The following VAV1 variants were observed in gnomAD, a reference collection of about 807,000 sequenced individuals.
VAV1 encodes the protein vav guanine nucleotide exchange factor 1.
VAV1 carries 33 observed loss-of-function variants against 128.1 expected under a neutral mutation model. That is an observed-to-expected ratio of 0.26 (90% confidence interval 0.20 to 0.34). VAV1 has a LOEUF of 0.34. Ranked by LOEUF, VAV1 falls within the 10% of genes least tolerant of loss-of-function variation. The pLI, the probability that VAV1 is intolerant of heterozygous loss-of-function variation, is 1.00. For synonymous variants in VAV1, 394 were observed against 409.8 expected (o/e 0.96, Z 0.47); for missense variants, 715 against 1,093.7 (o/e 0.65, Z 4.88).
chr19:6,832,394 C>T (rs1302901737), intron 15 of VAV1, among the ~76,000 whole-genome samples, 194 bp downstream of exon 15: 1 of 152,126 alleles, frequency 6.6e-6, no homozygotes, highest in Non-Finnish European at 1.5e-5. Flanking sequence ...GTGCAAGCTT[C>T]AGTTACCAGC....
intron 24 of VAV1, 100 bp from the exon 25 acceptor site, chr19:6,852,865 G>T (rs1419646580): frequency 2.3e-6 from 2 of 882,288 alleles, no homozygotes; most frequent in Non-Finnish European, 1.8e-6. Context: ...CCAGAAACAG[G>T]GCCTGCTTCA....
At chr19:6,850,309 C>A (rs1337865765) in intron 23 of VAV1, among the ~76,000 whole-genome samples, 1 of 125,406 alleles carries the variant, frequency 8.0e-6, no homozygotes, top group Non-Finnish European at 1.7e-5. Flanking sequence ...TAGTCTATTT[C>A]CACCATGTTG....
intron 1 of VAV1, among the ~76,000 whole-genome samples, chr19:6,809,123 C>A (rs1026985830): frequency 6.6e-6 from 1 of 150,756 alleles, no homozygotes; most frequent in Non-Finnish European, 1.5e-5. Context: ...TCTTGTCGCC[C>A]AAGCTGGGGT....
chr19:6,819,364 G>A (rs1971733022), intron 1 of VAV1, among the ~76,000 whole-genome samples: 1 of 152,132 alleles, frequency 6.6e-6, no homozygotes, highest in African/African-American at 2.4e-5. Flanking sequence ...TCACAGAATG[G>A]GACCTGTGTT....
intron 26 of VAV1, among the ~76,000 whole-genome samples, chr19:6,855,805 CTAT>C (rs1186950208): frequency 2.1e-4 from 2 of 9,420 alleles, no homozygotes; most frequent in Admixed American, 2.6e-3. Context: ...ACCCATTCAT[CTAT>C]CTATCTATCT....
chr19:6,774,698 G>C (rs1970583659), intron 1 of VAV1, among the ~76,000 whole-genome samples: 1 of 151,360 alleles, frequency 6.6e-6, no homozygotes, highest in Non-Finnish European at 1.5e-5. Flanking sequence ...GCCTTCCAAA[G>C]TGCTGGAATT....
intron 1 of VAV1, among the ~76,000 whole-genome samples, chr19:6,790,232 C>T (rs1970988050): frequency 6.6e-6 from 1 of 151,952 alleles, no homozygotes; most frequent in South Asian, 2.1e-4. Context: ...GAGGAAGACT[C>T]ATTTGATGTT....
intron 1 of VAV1, among the ~76,000 whole-genome samples, chr19:6,807,342 G>T (rs1971416440): frequency 6.6e-6 from 1 of 151,918 alleles, no homozygotes; most frequent in African/African-American, 2.4e-5. Flanking sequence ...AGATCATCAG[G>T]CACCAGATTC....
Position 6,828,228 on chromosome 19 carries a change from A to C in VAV1, c.1023+57A>C. On this transcript the variant is annotated intron_variant, in intron 10 of 26. Transcript: ENST00000602142. The surrounding 1 kb of genome is among the most constrained non-coding windows in gnomAD (Gnocchi z 4.5). ...CGTACCTACTCTCCTGTGTCTATAA[A>C]AGTGGGGACGGGGCTGGCTTCTGGG... 2.5e-6 allele frequency: 4 copies of C among 1,598,670 alleles called. No individual in the cohort carries two copies. Among genetic ancestry groups the C allele is most frequent in the Non-Finnish European group, 3.4e-6 (4 of 1,168,418 alleles).
At chr19:6,846,657 C>A (rs1212273904) in intron 22 of VAV1, among the ~76,000 whole-genome samples, 1 of 147,486 alleles carries the variant, frequency 6.8e-6, no homozygotes, top group Non-Finnish European at 1.5e-5. Flanking sequence ...GTATGTTATA[C>A]CATATATTAT....
Position 6,848,117 on chromosome 19 carries a change from A to G in VAV1, c.2129+3A>G, listed in dbSNP as rs1972571334. 6.5e-7 allele frequency: 1 copy of G among 1,547,636 alleles called. No individual in the cohort carries two copies. The highest frequency in any genetic ancestry group is 1.4e-5 in the African/African-American group (1 of 69,990). ...GCAGAATTTGCCATCAGCATTAAGT[A>G]ACTCCTTTCTCCCTGACTCATACCC... On this transcript the variant is annotated splice_donor_region_variant and intron_variant, in intron 23 of 26. Coordinates refer to ENST00000602142, the MANE Select transcript of VAV1 (RefSeq NM_005428.4).
intron 9 of VAV1, chr19:6,827,096 T>G: frequency 1.3e-5 from 3 of 229,604 alleles, no homozygotes; most frequent in Non-Finnish European, 1.8e-5. Flanking sequence ...GAACTGAACT[T>G]CAACCTGGAT....
At chr19:6,827,800 G>A (rs886571559) in intron 9 of VAV1, among the ~76,000 whole-genome samples, 7 of 147,962 alleles carry the variant, frequency 4.7e-5, no homozygotes, top group Middle Eastern at 3.4e-3. Context: ...GGGTTTCCCC[G>A]TGTTGGCCAG....
chr19:6,809,708 G>A (rs1448250169), intron 1 of VAV1, among the ~76,000 whole-genome samples: 2 of 152,142 alleles, frequency 1.3e-5, no homozygotes, highest in Non-Finnish European at 2.9e-5. Context: ...AGTACAAAAC[G>A]GATCAGGAAG....
At chr19:6,817,808 T>A (rs1037759287) in intron 1 of VAV1, among the ~76,000 whole-genome samples, 1 of 152,056 alleles carries the variant, frequency 6.6e-6, no homozygotes, top group East Asian at 1.9e-4. Context: ...TCTCTCAGCC[T>A]CCCGAGTAGC....
intron 1 of VAV1, among the ~76,000 whole-genome samples, chr19:6,817,938 G>A (rs1012666287): frequency 7.9e-5 from 12 of 152,038 alleles, no homozygotes; most frequent in African/African-American, 1.7e-4. Context: ...CGCCCGCCTC[G>A]GCCTCCCAAA....
In VAV1 at chr19:6,804,912, A is replaced by C. The variant is rs181019900; in HGVS notation, c.205-15790A>C. Among the ~76,000 whole-genome samples, 260 of 151,186 alleles carry C rather than the reference A, an allele frequency of 1.7e-3. 2 individuals are homozygous for C. The highest frequency in any genetic ancestry group is 2.1e-4 in the Non-Finnish European group (14 of 67,824). ...CTAATTTTTTGTATTTTTAGTAGAG[A>C]TGAGTTTTCACCATGTTAGCCAGGA... is the stretch of plus-strand genomic sequence containing the variant. On this transcript the variant is annotated intron_variant, in intron 1 of 26. Transcript: ENST00000602142.
At chr19:6,832,543 T>TCTTCTTCCTCCTCCTCCCTTTCCTCCC (rs1972089581) in intron 15 of VAV1, among the ~76,000 whole-genome samples, 1 of 124,930 alleles carries the variant, frequency 8.0e-6, no homozygotes, top group African/African-American at 3.4e-5. Flanking sequence ...CCCTTCCTCT[T>TCTTCTTCCTCCTCCTCCCTTTCCTCCC]CTTCTTCCTC....
chr19:6,829,999 G>A (rs1972017054), intron 14 of VAV1, 81 bp downstream of exon 14: 6 of 1,595,376 alleles, frequency 3.8e-6, no homozygotes, highest in Non-Finnish European at 5.1e-6. Flanking sequence ...GTGCCTGTTT[G>A]CCAGACTACA....
Sources: gnomAD v4.1 joint callset for allele counts (sites outside exome capture counted in the v4.1 genomes callset) on GRCh38, gnomAD v4.1.1 for gene constraint, Gnocchi (gnomAD v3.1) non-coding constraint, MANE v1.5 for transcripts, NCBI Gene and HGNC (gene_info 2026-07-23, HGNC 2026-07-21) for gene names.